Variants in CLTCL1 observed in about 807,000 individuals in gnomAD.
The protein encoded by CLTCL1 is clathrin heavy chain 2.
Under a neutral mutation model 190.0 loss-of-function variants are expected in CLTCL1, and 159 were observed. The ratio of observed to expected loss-of-function variants is 0.84; its 90% confidence interval spans 0.74 to 0.95. CLTCL1 has a LOEUF of 0.95. Among genes scored for constraint, CLTCL1 ranks in the 40% least tolerant of loss-of-function variants. CLTCL1 has a pLI of 0.00. For synonymous variants in CLTCL1, 752 were observed against 769.6 expected (o/e 0.98, Z 0.38); for missense variants, 1,878 against 2,033.4 (o/e 0.92, Z 1.47).
intron 2 of CLTCL1, among the ~76,000 whole-genome samples, chr22:19,272,976 A>T (rs1054875607): frequency 1.4e-4 from 21 of 152,152 alleles, no homozygotes; most frequent in Non-Finnish European, 2.6e-4. Context: ...GAGCTGCTTC[A>T]CGAGCCCCTT....
At chr22:19,261,257 C>T (rs1402320151) in intron 2 of CLTCL1, among the ~76,000 whole-genome samples, 2 of 152,028 alleles carry the variant, frequency 1.3e-5, no homozygotes, top group African/African-American at 2.4e-5. Context: ...GGACTACAGG[C>T]GCCCAACCAT....
At chr22:19,270,726 CAAA>C (rs35877753) in intron 2 of CLTCL1, among the ~76,000 whole-genome samples, 8 of 78,802 alleles carry the variant, frequency 1.0e-4, no homozygotes, top group Admixed American at 3.1e-4. Context: ...GACTCCAACT[CAAA>C]AAAAAAAAAA....
At chr22:19,219,691 C>T (rs2085506180) in intron 18 of CLTCL1, among the ~76,000 whole-genome samples, 194 bp downstream of exon 18, 1 of 152,130 alleles carries the variant, frequency 6.6e-6, no homozygotes, top group South Asian at 2.1e-4. Context: ...ACCACGTTGG[C>T]CAGGCTGGTC....
chr22:19,208,782 G>A (rs1373875521), intron 21 of CLTCL1, 140 bp downstream of exon 21: 7 of 690,386 alleles, frequency 1.0e-5, no homozygotes, highest in South Asian at 2.3e-5. Flanking sequence ...ACTCTTGTGG[G>A]AAACTTTCAT....
At chr22:19,204,638 G>T (rs60244659) in intron 22 of CLTCL1, among the ~76,000 whole-genome samples, 7,056 of 152,268 alleles carry the variant, frequency 0.046, 560 homozygotes, top group African/African-American at 0.16. Flanking sequence ...AAAAGGTGAT[G>T]AATGCATAAA....
rs546306841 is a variant in CLTCL1, at chr22:19,254,211, C to G, written c.267G>C (p.Gln89His). The G allele has an allele frequency of 6.2e-7, 1 of 1,611,862 alleles. No homozygotes were observed. The highest frequency in any genetic ancestry group is 1.1e-5 in the South Asian group (1 of 91,060). Residue 89 changes from glutamine (Q) to histidine (H), a missense_variant, in exon 3 of 33, where the codon CAG (glutamine) becomes CAC (histidine). Transcript: ENST00000427926. ...VIALKAGKTLQIFNIEMKSKM... is the reference protein window; with the variant it reads ...VIALKAGKTLHIFNIEMKSKM... ...TACTCTTCATCTCAATATTAAAGAT[C>G]TGAAGTGTCTTCCCAGCTAGTATTT...
chr22:19,221,349 T>C (rs1601562993), intron 17 of CLTCL1, 28 bp downstream of exon 17: 1 of 1,505,484 alleles, frequency 6.6e-7, no homozygotes, highest in Non-Finnish European at 9.0e-7. Context: ...CAGGGTTACA[T>C]GGGCAGCTCA....
rs964443506 is a variant in CLTCL1, at chr22:19,183,485, G to A, written c.4732C>T (p.Arg1578Cys). ...ACLFTCYDLLRPDMVLELAWR... is the reference protein window; with the variant it reads ...ACLFTCYDLLCPDMVLELAWR... Reference sequence around the variant, plus strand: ...GCCAGCTCAAGCACCATGTCTGGGCGAAGCAGGTCATAGCAGGTGAAGAGA... The same window carrying A: ...GCCAGCTCAAGCACCATGTCTGGGCAAAGCAGGTCATAGCAGGTGAAGAGA... The change falls in exon 30 of 33, where the codon CGC (arginine) becomes TGC (cysteine). Residue 1578 changes from arginine to cysteine, a missense_variant. Transcript: ENST00000427926. 6.2e-6 allele frequency: 10 copies of A among 1,613,652 alleles called. 1 individual carries two copies. Among genetic ancestry groups the A allele is most frequent in the African/African-American group, 1.3e-5 (1 of 74,934 alleles).
At chr22:19,234,322 G>A (rs930987144) in intron 7 of CLTCL1, among the ~76,000 whole-genome samples, 187 bp downstream of exon 7, 2 of 152,230 alleles carry the variant, frequency 1.3e-5, no homozygotes, top group Admixed American at 6.5e-5. Flanking sequence ...TGCCGATGCA[G>A]CAAGAGTGTG....
At chr22:19,181,074 G>C (rs939745874) in intron 30 of CLTCL1, 1 of 523,444 alleles carries the variant, frequency 1.9e-6, no homozygotes, top group Non-Finnish European at 3.5e-6. Flanking sequence ...GGGGCAGTCA[G>C]TTGTTACAGG....
intron 19 of CLTCL1, 29 bp from the exon 20 acceptor site, chr22:19,210,538 TC>T: frequency 6.3e-7 from 1 of 1,596,414 alleles, no homozygotes; most frequent in Non-Finnish European, 8.6e-7. Flanking sequence ...CAGCACGGCA[TC>T]CCAGGAACGA....
intron 14 of CLTCL1, 113 bp from the exon 15 acceptor site, chr22:19,222,922 G>C: frequency 7.6e-7 from 1 of 1,322,370 alleles, no homozygotes. Flanking sequence ...TGACACACAG[G>C]AGACTCAGAA....
intron 30 of CLTCL1, chr22:19,181,501 G>A (rs1445890961): frequency 6.6e-6 from 1 of 152,464 alleles, no homozygotes; most frequent in Non-Finnish European, 1.5e-5. Flanking sequence ...GCTGAGAAAT[G>A]AGGAGGAAGC....
At chr22:19,221,872 G>A in intron 16 of CLTCL1, 79 bp downstream of exon 16, 1 of 1,506,128 alleles carries the variant, frequency 6.6e-7, no homozygotes, top group Non-Finnish European at 9.1e-7. Context: ...TATAGAGACA[G>A]TCCTGGAGAA....
At position 19,191,328 on chromosome 22, in the gene CLTCL1, G is replaced by C. The variant is rs1555931864; in HGVS notation, c.4299C>G (p.Thr1433=). The change falls in exon 27 of 33, where the codon ACC becomes ACG. Residue 1433 remains threonine, a synonymous_variant. Transcript: ENST00000427926. ...CCTTTGAAAAGAAACTGACTGTCCA[G>C]GTGTGGTCCAGCCGGGGTGAAAGCA... is the stretch of plus-strand genomic sequence containing the variant. The part of the protein sequence containing the change: ...LLVLSPRLDH[T]WTVSFFSKAG... The C allele has an allele frequency of 3.1e-6, 5 of 1,614,014 alleles. No homozygotes were observed. The highest frequency in any genetic ancestry group is 1.1e-5 in the South Asian group (1 of 91,080).
At chr22:19,183,122 C>T (rs1311745263) in intron 30 of CLTCL1, 5 of 457,806 alleles carry the variant, frequency 1.1e-5, no homozygotes, top group Admixed American at 6.9e-5. Context: ...TAGCAGTGTG[C>T]ACATTGGGAC....
chr22:19,248,130 C>T (rs1178975481), intron 3 of CLTCL1, among the ~76,000 whole-genome samples: 2 of 151,814 alleles, frequency 1.3e-5, no homozygotes, highest in Non-Finnish European at 2.9e-5. Context: ...AACCCCATCA[C>T]TACTAAAAAT....
chr22:19,243,857 C>G (rs1035438824), intron 3 of CLTCL1, among the ~76,000 whole-genome samples: 1 of 152,000 alleles, frequency 6.6e-6, no homozygotes, highest in Non-Finnish European at 1.5e-5. Flanking sequence ...GCCACCATGC[C>G]TGGCTAATTT....
At chr22:19,182,353 T>A (rs1209189541) in intron 30 of CLTCL1, 1 of 152,238 alleles carries the variant, frequency 6.6e-6, no homozygotes, top group African/African-American at 2.4e-5. Context: ...CCAGTCCATG[T>A]CCCCTGGCAG....
Sources: gnomAD v4.1 joint callset for allele counts (sites outside exome capture counted in the v4.1 genomes callset) on GRCh38, gnomAD v4.1.1 for gene constraint, MANE v1.5 for transcripts, NCBI Gene and HGNC (gene_info 2026-07-23, HGNC 2026-07-21) for gene names.